QTMAN: variants seen among roughly 807,000 people sequenced by gnomAD.
QTMAN encodes tRNA-queuosine alpha-mannosyltransferase.
the QTMAN span, among the ~76,000 whole-genome samples, chr2:144,166,402 C>T: frequency 6.6e-6 from 1 of 152,214 alleles, no homozygotes; most frequent in South Asian, 2.1e-4. Flanking sequence ...ACTTACCCTA[C>T]TAGTATACAT....
the QTMAN span, among the ~76,000 whole-genome samples, chr2:144,188,673 G>A: frequency 6.6e-6 from 1 of 152,212 alleles, no homozygotes; most frequent in Middle Eastern, 3.4e-3. Context: ...TCTTGTCTCT[G>A]TCGCACCTAG....
chr2:143,952,501 T>C, the QTMAN span, among the ~76,000 whole-genome samples: 2 of 151,584 alleles, frequency 1.3e-5, no homozygotes, highest in Non-Finnish European at 3.0e-5. Flanking sequence ...GCAGCAACAC[T>C]GACCTGCTTA....
the QTMAN span, among the ~76,000 whole-genome samples, chr2:144,272,628 C>T: frequency 4.6e-5 from 7 of 152,144 alleles, no homozygotes; most frequent in African/African-American, 1.7e-4. Context: ...TATCAGGCCT[C>T]TGGGTTCTTC....
the QTMAN span, among the ~76,000 whole-genome samples, chr2:144,313,071 C>A: frequency 2.6e-5 from 4 of 152,158 alleles, no homozygotes; most frequent in Non-Finnish European, 5.9e-5. Flanking sequence ...AACATCCAGA[C>A]AAACTACATA....
At chr2:144,183,470 T>A in the QTMAN span, among the ~76,000 whole-genome samples, 6 of 152,200 alleles carry the variant, frequency 3.9e-5, no homozygotes, top group Admixed American at 6.5e-5. Context: ...AATCATTTTT[T>A]AATAAAATAC....
the QTMAN span, among the ~76,000 whole-genome samples, chr2:144,206,452 T>C: frequency 1.3e-5 from 2 of 152,190 alleles, no homozygotes; most frequent in South Asian, 4.1e-4. Flanking sequence ...GCTACTGCTA[T>C]TTTTCTAAAA....
chr2:144,049,436 T>C, the QTMAN span, among the ~76,000 whole-genome samples: 1 of 152,160 alleles, frequency 6.6e-6, no homozygotes, highest in Non-Finnish European at 1.5e-5. Flanking sequence ...TTTAGAGCAA[T>C]ATATTTATTT....
At chr2:144,106,286 C>T in the QTMAN span, among the ~76,000 whole-genome samples, 3 of 152,270 alleles carry the variant, frequency 2.0e-5, no homozygotes, top group African/African-American at 7.2e-5. Flanking sequence ...GGGCTAAATG[C>T]TCCAATTAAA....
the QTMAN span, among the ~76,000 whole-genome samples, chr2:144,205,901 G>C: frequency 1.3e-5 from 2 of 152,158 alleles, no homozygotes; most frequent in Non-Finnish European, 2.9e-5. Context: ...CTAAGGCAAA[G>C]CTATAATATA....
the QTMAN span, among the ~76,000 whole-genome samples, chr2:144,047,206 G>A: frequency 2.0e-5 from 3 of 152,188 alleles, no homozygotes; most frequent in African/African-American, 7.2e-5. Context: ...AAGAGGTGGA[G>A]GTTGCAGTGA....
chr2:144,147,120 G>C, the QTMAN span, among the ~76,000 whole-genome samples: 3 of 151,860 alleles, frequency 2.0e-5, no homozygotes, highest in East Asian at 5.8e-4. Context: ...ACATAAGAAG[G>C]ATTACATAAT....
chr2:143,956,713 G>C, the QTMAN span, among the ~76,000 whole-genome samples: 1 of 152,014 alleles, frequency 6.6e-6, no homozygotes, highest in African/African-American at 2.4e-5. Flanking sequence ...CCTCCTCCAT[G>C]ATGATAGGGA....
At chr2:144,033,903 C>T in the QTMAN span, among the ~76,000 whole-genome samples, 42 of 152,262 alleles carry the variant, frequency 2.8e-4, no homozygotes, top group Middle Eastern at 6.8e-3. Flanking sequence ...AGATCAAATA[C>T]GTATTTCGTA....
At chr2:144,224,735 T>C in the QTMAN span, among the ~76,000 whole-genome samples, 1 of 152,174 alleles carries the variant, frequency 6.6e-6, no homozygotes, top group Non-Finnish European at 1.5e-5. Flanking sequence ...GCTTGGTATG[T>C]GCAAAAAGTA....
At chr2:144,018,806 G>A in the QTMAN span, among the ~76,000 whole-genome samples, 1 of 152,164 alleles carries the variant, frequency 6.6e-6, no homozygotes, top group South Asian at 2.1e-4. Flanking sequence ...AATGTGGTAG[G>A]TGCTTCAATC....
At chr2:144,269,254 T>C in the QTMAN span, among the ~76,000 whole-genome samples, 1 of 152,180 alleles carries the variant, frequency 6.6e-6, no homozygotes, top group Non-Finnish European at 1.5e-5. Flanking sequence ...AAAATCATTT[T>C]TAAATAATAA....
the QTMAN span, among the ~76,000 whole-genome samples, chr2:144,247,220 C>A: frequency 2.6e-5 from 4 of 152,048 alleles, no homozygotes; most frequent in Non-Finnish European, 5.9e-5. Context: ...GGAAGAATGT[C>A]TTCAAGAAAA....
chr2:144,315,181 G>T, the QTMAN span, among the ~76,000 whole-genome samples: 1 of 152,108 alleles, frequency 6.6e-6, no homozygotes, highest in South Asian at 2.1e-4. Flanking sequence ...CATCGCATCC[G>T]GCCCATAAAG....
chr2:143,997,284 G>A, the QTMAN span, among the ~76,000 whole-genome samples: 2 of 152,034 alleles, frequency 1.3e-5, no homozygotes, highest in African/African-American at 4.8e-5. Flanking sequence ...AACTTTCAAC[G>A]AATGTATCTA....
Sources: allele counts gnomAD v4.1 joint callset (sites outside exome capture counted in the v4.1 genomes callset), GRCh38; gene constraint gnomAD v4.1.1; transcripts MANE v1.5; gene names NCBI Gene and HGNC (gene_info 2026-07-23, HGNC 2026-07-21).